HERC6: variants seen among roughly 807,000 people sequenced by gnomAD.
The protein encoded by HERC6 is HECT and RLD domain containing E3 ubiquitin protein ligase family member 6, also known as probable E3 ubiquitin-protein ligase HERC6.
Under a neutral mutation model 114.5 loss-of-function variants are expected in HERC6, and 101 were observed. The ratio of observed to expected loss-of-function variants is 0.88; its 90% CI spans 0.75 to 1.04. HERC6 has a LOEUF of 1.04. HERC6 is among the 50% of genes least tolerant of loss of function. HERC6 has a pLI of 0.00. For missense variants in HERC6, 1,133 were observed against 1,230.9 expected (o/e 0.92, Z 1.19); for synonymous variants, 408 against 436.2 (o/e 0.94, Z 0.81).
chr4:88,389,671 A>G (rs1180759476), intron 3 of HERC6, among the ~76,000 whole-genome samples: 5 of 151,794 alleles, frequency 3.3e-5, no homozygotes, highest in African/African-American at 4.8e-5. Flanking sequence ...GGTGACCTGG[A>G]CCGCCCCGCT....
At chr4:88,434,990 A>G (rs1013254036) in intron 17 of HERC6, among the ~76,000 whole-genome samples, 5 of 152,222 alleles carry the variant, frequency 3.3e-5, no homozygotes, top group Non-Finnish European at 7.3e-5. Context: ...AAATATGGCA[A>G]CTAGACTGTA....
At chr4:88,385,847 G>A (rs1008934630) in intron 3 of HERC6, among the ~76,000 whole-genome samples, 4 of 152,062 alleles carry the variant, frequency 2.6e-5, no homozygotes, top group Non-Finnish European at 4.4e-5. Flanking sequence ...TTTATTTCCA[G>A]CCCTTTGCTC....
intron 12 of HERC6, among the ~76,000 whole-genome samples, chr4:88,416,525 A>T (rs1736495851): frequency 6.6e-6 from 1 of 152,028 alleles, no homozygotes; most frequent in African/African-American, 2.4e-5. Flanking sequence ...TTAATATTTT[A>T]TTCTATGGTT....
At chr4:88,423,758 C>A in intron 13 of HERC6, 102 bp from the exon 14 acceptor site, 1 of 459,098 alleles carries the variant, frequency 2.2e-6, no homozygotes, top group Non-Finnish European at 3.8e-6. Flanking sequence ...AGAGAGCTTT[C>A]TTCTTCTTAT....
chr4:88,392,748 T>C (rs1044507785), intron 4 of HERC6, among the ~76,000 whole-genome samples: 2 of 152,302 alleles, frequency 1.3e-5, no homozygotes, highest in Admixed American at 1.3e-4. Context: ...TAGCAGTGTT[T>C]CCTAACTGCA....
chr4:88,431,260 G>A lies in HERC6; in HGVS notation c.2205G>A (p.Met735Ile). ...AGATGACCAAGCCAGAATATGGAAT[G>A]TTCATGTATCCTGAAATGGGTTCCT... Reference protein sequence around the residue: ...FEEMTKPEYGMFMYPEMGSCM... With the variant: ...FEEMTKPEYGIFMYPEMGSCM... Residue 735 changes from methionine to isoleucine, a missense_variant, in exon 17 of 23, where the codon ATG (methionine) becomes ATA (isoleucine). Around this residue, in one of 3 missense-constraint regions of HERC6, gnomAD observed 388 missense variants for 445.9 expected, o/e 0.87. Coordinates refer to ENST00000264346, the MANE Select transcript of HERC6 (RefSeq NM_017912.4). 1 of 1,612,574 alleles carries A rather than the reference G, an allele frequency of 6.2e-7. No individual in the cohort carries two copies. Among genetic ancestry groups the A allele is most frequent in the Non-Finnish European group, 8.5e-7 (1 of 1,179,384 alleles).
rs1738673020 is a variant in HERC6, at chr4:88,435,822, T to C, written c.2348T>C (p.Leu783Pro). The change falls in exon 18 of 23, where the codon CTG becomes CCG. Residue 783 changes from leucine (L) to proline (P), a missense_variant. Around this residue, in one of 3 missense-constraint regions of HERC6, gnomAD observed 388 missense variants for 445.9 expected, o/e 0.87. Transcript: ENST00000264346. ...GCTAACCTTCCTTTCCCACTGGCTC[T>C]GTATAAAAAACTTCTGGACCAAAAG... Reference protein sequence around the residue: ...NVANLPFPLALYKKLLDQKPS... With the variant: ...NVANLPFPLAPYKKLLDQKPS... The C allele has an allele frequency of 3.7e-6, 6 of 1,612,560 alleles. No homozygotes were observed. The highest frequency in any genetic ancestry group is 5.1e-6 in the Non-Finnish European group (6 of 1,179,272).
chr4:88,433,740 T>G (rs1293408853), intron 17 of HERC6, among the ~76,000 whole-genome samples: 1 of 152,222 alleles, frequency 6.6e-6, no homozygotes, highest in African/African-American at 2.4e-5. Context: ...GTTTCAGATA[T>G]TCTGTTATAA....
chr4:88,396,110 T>C lies in HERC6; in HGVS notation c.855T>C (p.Ile285=), dbSNP rs376025001. The change falls in exon 6 of 23, where the codon ATT becomes ATC. Residue 285 remains isoleucine (I), a synonymous_variant. Coordinates refer to ENST00000264346, the MANE Select transcript of HERC6 (RefSeq NM_017912.4). ...GAGGTCCACAACTTGTGGAAAGAATTGATGGCCTAGTTTCGCAGATAGATT... is the reference window on the plus strand; with the variant it reads ...GAGGTCCACAACTTGTGGAAAGAATCGATGGCCTAGTTTCGCAGATAGATT... ...EKRGPQLVER[I]DGLVSQIDCG... is the part of the protein sequence containing the mutation. 6 of 1,604,364 alleles carry C rather than the reference T, an allele frequency of 3.7e-6. No homozygotes were observed. The African/African-American group carries it at 8.1e-5, about 22-fold the overall frequency.
At position 88,413,134 on chromosome 4, in the gene HERC6, C is replaced by A; in HGVS notation, c.1426C>A (p.Gln476Lys). ...LRALPCHSPH[Q>K]EALSVFLLLP... ...AGCTCTTCCATGCCATTCTCCACAC[C>A]AAGAAGCTTTATCAGTTTTCCTCCT... is the stretch of plus-strand genomic sequence containing the variant. Residue 476 changes from glutamine (Q) to lysine (K), a missense_variant, in exon 12 of 23, where the codon CAA (glutamine) becomes AAA (lysine). By Grantham distance (53) the Gln-to-Lys change is moderately conservative. Around this residue, in one of 3 missense-constraint regions of HERC6, gnomAD observed 735 missense variants for 754.0 expected, o/e 0.97. Coordinates refer to ENST00000264346, the MANE Select transcript of HERC6 (RefSeq NM_017912.4). 1.2e-6 allele frequency: 2 copies of A among 1,613,456 alleles called. No individual in the cohort carries two copies. Among genetic ancestry groups the A allele is most frequent in the Non-Finnish European group, 8.5e-7 (1 of 1,179,520 alleles).
chr4:88,381,369 C>T (rs1181470783), intron 1 of HERC6, among the ~76,000 whole-genome samples: 1 of 152,028 alleles, frequency 6.6e-6, no homozygotes, highest in African/African-American at 2.4e-5. Context: ...AGTGCTTCGA[C>T]TTAGGAGCTT....
rs1219606207 is a variant in HERC6 at position 88,383,288 on chromosome 4, T to C, written c.267T>C (p.Ala89=). The C allele has an allele frequency of 6.2e-7, 1 of 1,600,704 alleles. No homozygotes were observed. Among genetic ancestry groups the C allele is most frequent in the Non-Finnish European group, 8.5e-7 (1 of 1,173,658 alleles). ...GCTGCGGGAAGGAGCACTCCCTGGCTGTGTGCCACAAAGGAAGGGTCTTCG... is the reference window on the plus strand; with the variant it reads ...GCTGCGGGAAGGAGCACTCCCTGGCCGTGTGCCACAAAGGAAGGGTCTTCG... ...LVSCGKEHSL[A]VCHKGRVFAW... The change falls in exon 2 of 23, where the codon GCT becomes GCC. Residue 89 remains alanine, a synonymous_variant. Coordinates refer to ENST00000264346, the MANE Select transcript of HERC6 (RefSeq NM_017912.4).
At chr4:88,406,184 G>A (rs761913894) in intron 10 of HERC6, among the ~76,000 whole-genome samples, 9 of 152,282 alleles carry the variant, frequency 5.9e-5, no homozygotes, top group Non-Finnish European at 1.2e-4. Context: ...AGAAATAGCA[G>A]TGTAGAGGGT....
chr4:88,434,889 G>A (rs1333591130), intron 17 of HERC6, among the ~76,000 whole-genome samples: 1 of 151,944 alleles, frequency 6.6e-6, no homozygotes, highest in African/African-American at 2.4e-5. Flanking sequence ...AGGTTTCAGG[G>A]GACCCCTTTG....
intron 12 of HERC6, among the ~76,000 whole-genome samples, chr4:88,416,866 T>C (rs1186083999): frequency 1.3e-5 from 2 of 152,166 alleles, no homozygotes; most frequent in African/African-American, 4.8e-5. Context: ...TATTTTAACA[T>C]CAAATTTATT....
chr4:88,428,543 C>G (rs1018426146), intron 15 of HERC6, 37 bp from the exon 16 acceptor site: 114 of 1,514,872 alleles, frequency 7.5e-5, no homozygotes, highest in Non-Finnish European at 1.0e-4. Flanking sequence ...CCTATGAGGT[C>G]AAAAGGAGAA....
intron 16 of HERC6, among the ~76,000 whole-genome samples, chr4:88,428,973 C>T (rs1450709393): frequency 6.6e-6 from 1 of 152,226 alleles, no homozygotes; most frequent in African/African-American, 2.4e-5. Flanking sequence ...AAAAATGCTG[C>T]ATAATGAAAC....
In HERC6 at chr4:88,404,924, C is replaced by T. The variant is rs202101437; in HGVS notation, c.1141C>T (p.Arg381Ter). ...APGKTLPEIS[R>*]ISQSMAEKWI... ...CGGGAAAACCCTGCCAGAAATAAGC[C>T]GAATTAGCCAGTCCATGGCAGAAAA... The change falls in exon 9 of 23, where the codon CGA becomes TGA. Residue 381 changes from arginine (R) to a stop codon, truncating the protein, a stop_gained. Transcript: ENST00000264346. LOFTEE classifies it high-confidence loss of function. The T allele has an allele frequency of 3.3e-5, 53 of 1,613,668 alleles. No homozygotes were observed. The South Asian group carries it at 4.1e-4, about 12-fold the overall frequency.
chr4:88,435,641 C>A (rs1172196688), intron 17 of HERC6, 84 bp from the exon 18 acceptor site: 2 of 963,504 alleles, frequency 2.1e-6, no homozygotes, highest in Non-Finnish European at 2.7e-6. Flanking sequence ...GAAAAGGGAA[C>A]CACATTTTTT....
Sources: gnomAD v4.1 joint callset for allele counts (sites outside exome capture counted in the v4.1 genomes callset) on GRCh38, gnomAD v4.1.1 for gene constraint, gnomAD v4.1.1 regional missense constraint, MANE v1.5 for transcripts, NCBI Gene and HGNC (gene_info 2026-07-23, HGNC 2026-07-21) for gene names.